Variants in NKAIN2 observed in about 807,000 individuals in gnomAD.
NKAIN2 encodes the protein sodium/potassium transporting ATPase interacting 2, also known as sodium/potassium-transporting ATPase subunit beta-1-interacting protein 2.
In NKAIN2, 14 loss-of-function variants were observed where a neutral mutation model predicts 32.6. The ratio of observed to expected loss-of-function variants is 0.43; its 90% CI spans 0.28 to 0.67. NKAIN2 has a LOEUF of 0.67. Ranked by LOEUF, NKAIN2 falls within the 30% of genes least tolerant of loss-of-function variation. The pLI, the probability that NKAIN2 is intolerant of heterozygous loss-of-function variation, is 0.17. For missense variants in NKAIN2, 198 were observed against 258.3 expected (o/e 0.77, Z 1.60); for synonymous variants, 80 against 87.2 (o/e 0.92, Z 0.46).
intron 3 of NKAIN2, among the ~76,000 whole-genome samples, chr6:124,536,390 A>G (rs779126861): frequency 1.3e-5 from 2 of 152,030 alleles, no homozygotes; most frequent in Non-Finnish European, 2.9e-5. Context: ...TCTCATATTA[A>G]GCTTCCTCCA....
chr6:124,027,268 T>A (rs1376441455), intron 1 of NKAIN2, among the ~76,000 whole-genome samples: 1 of 151,922 alleles, frequency 6.6e-6, no homozygotes, highest in Non-Finnish European at 1.5e-5. Context: ...GCCTCCCAAG[T>A]AGCTAGGATT....
intron 4 of NKAIN2, among the ~76,000 whole-genome samples, chr6:124,711,256 G>C (rs9375360): frequency 0.24 from 16,382 of 66,960 alleles, 1,803 homozygotes; most frequent in Middle Eastern, 0.29. Context: ...CTCTGGCTGC[G>C]CTTAACATTT....
intron 1 of NKAIN2, among the ~76,000 whole-genome samples, chr6:123,863,608 T>G (rs935812305): frequency 2.6e-5 from 4 of 152,030 alleles, no homozygotes; most frequent in African/African-American, 9.7e-5. Flanking sequence ...GAAAGATGAT[T>G]ACTATTCAGG....
intron 4 of NKAIN2, among the ~76,000 whole-genome samples, chr6:124,766,635 C>A (rs1778526740): frequency 6.6e-6 from 1 of 152,116 alleles, no homozygotes; most frequent in South Asian, 2.1e-4. Flanking sequence ...TGCAAAAGCA[C>A]AGATAGTCAC....
At chr6:124,162,462 A>G (rs1788330107) in intron 1 of NKAIN2, among the ~76,000 whole-genome samples, 1 of 152,138 alleles carries the variant, frequency 6.6e-6, no homozygotes, top group Non-Finnish European at 1.5e-5. Context: ...TGGCACAGAT[A>G]TGGTACAGCA....
chr6:124,708,995 G>A (rs939992108), intron 4 of NKAIN2, among the ~76,000 whole-genome samples: 3 of 145,338 alleles, frequency 2.1e-5, no homozygotes, highest in African/African-American at 7.9e-5. Flanking sequence ...TAGCTCTTAT[G>A]ATTTTGAGAT....
At chr6:124,494,115 G>A (rs1206323497) in intron 3 of NKAIN2, among the ~76,000 whole-genome samples, 3 of 151,864 alleles carry the variant, frequency 2.0e-5, no homozygotes, top group African/African-American at 2.4e-5. Flanking sequence ...TATCTGTTCC[G>A]CTACCTCTAT....
chr6:124,501,785 A>G (rs1583346602), intron 3 of NKAIN2, among the ~76,000 whole-genome samples: 1 of 152,084 alleles, frequency 6.6e-6, no homozygotes, highest in East Asian at 1.9e-4. Context: ...CTAAAAATGC[A>G]TTAGTTTCCC....
chr6:124,466,335 G>A (rs558484474), intron 3 of NKAIN2, among the ~76,000 whole-genome samples: 1 of 152,218 alleles, frequency 6.6e-6, no homozygotes, highest in Non-Finnish European at 1.5e-5. Context: ...TAAAATGTAA[G>A]CTACTTTTAG....
chr6:124,605,473 T>C (rs546091031), intron 3 of NKAIN2, among the ~76,000 whole-genome samples: 15 of 152,114 alleles, frequency 9.9e-5, no homozygotes, highest in South Asian at 4.2e-4. Flanking sequence ...AAGTGGTAAA[T>C]TGAATATAAT....
intron 3 of NKAIN2, among the ~76,000 whole-genome samples, chr6:124,458,668 A>G (rs1583283612): frequency 6.6e-6 from 1 of 151,904 alleles, no homozygotes; most frequent in Non-Finnish European, 1.5e-5. Context: ...AGGTAACATG[A>G]GCAGAATTAT....
chr6:124,497,424 A>G (rs1199013902), intron 3 of NKAIN2, among the ~76,000 whole-genome samples: 1 of 152,176 alleles, frequency 6.6e-6, no homozygotes. Flanking sequence ...ATACATCGCT[A>G]GGGCTTTTCA....
rs767024716 is a variant in NKAIN2 at position 124,658,226 on chromosome 6, G to C, written c.314G>C (p.Arg105Pro). The C allele has an allele frequency of 6.2e-7, 1 of 1,613,652 alleles. No homozygotes were observed. Among genetic ancestry groups the C allele is most frequent in the Non-Finnish European group, 8.5e-7 (1 of 1,179,798 alleles). The part of the protein sequence containing the change: ...LILTFNISMH[R>P]SWWMENGPGC... The stretch of plus-strand genomic sequence containing the variant: ...CTGACTTTTAATATATCAATGCACC[G>C]ATCTTGGTGGATGGAGAATGGACCA... The change falls in exon 4 of 7, where the codon CGA becomes CCA. Residue 105 changes from arginine to proline, a missense_variant. Physicochemically the swap from Arg to Pro is moderately radical, Grantham distance 103. Transcript: ENST00000368417.
At chr6:123,970,291 GTA>G (rs1778281461) in intron 1 of NKAIN2, among the ~76,000 whole-genome samples, 1 of 152,160 alleles carries the variant, frequency 6.6e-6, no homozygotes, top group Admixed American at 6.5e-5. Context: ...AGGCTGGTAT[GTA>G]TATGAGAGTT....
intron 2 of NKAIN2, among the ~76,000 whole-genome samples, chr6:124,327,211 G>A (rs201317870): frequency 2.0e-5 from 3 of 152,024 alleles, no homozygotes; most frequent in East Asian, 3.9e-4. Flanking sequence ...TAGTTGACAT[G>A]TGTAGTTTCT....
At chr6:124,574,447 G>A (rs1412065168) in intron 3 of NKAIN2, among the ~76,000 whole-genome samples, 1 of 152,032 alleles carries the variant, frequency 6.6e-6, no homozygotes, top group Non-Finnish European at 1.5e-5. Context: ...GCGAAACCCT[G>A]TCTCTACTAA....
At chr6:124,725,666 G>A (rs1349813389) in intron 4 of NKAIN2, among the ~76,000 whole-genome samples, 1 of 152,160 alleles carries the variant, frequency 6.6e-6, no homozygotes, top group Non-Finnish European at 1.5e-5. Flanking sequence ...ACTCCAGAAC[G>A]ATATTCCACA....
intron 3 of NKAIN2, among the ~76,000 whole-genome samples, chr6:124,540,147 G>A (rs1779858736): frequency 6.6e-6 from 1 of 152,212 alleles, no homozygotes; most frequent in African/African-American, 2.4e-5. Context: ...TAGCCATAAA[G>A]CATAGCAGGA....
chr6:124,642,986 G>A (rs183157851), intron 3 of NKAIN2, among the ~76,000 whole-genome samples: 1 of 152,246 alleles, frequency 6.6e-6, no homozygotes, highest in African/African-American at 2.4e-5. Flanking sequence ...TTAAGGTCAA[G>A]CACTCAGAAT....
Sources: allele counts gnomAD v4.1 joint callset (sites outside exome capture counted in the v4.1 genomes callset), GRCh38; gene constraint gnomAD v4.1.1; transcripts MANE v1.5; gene names NCBI Gene and HGNC (gene_info 2026-07-23, HGNC 2026-07-21).